Variants in GPHN observed in about 807,000 individuals in gnomAD.
GPHN encodes the protein gephyrin.
In GPHN, 17 loss-of-function variants were observed where a neutral mutation model predicts 95.5. That is an observed-to-expected ratio of 0.18 (90% CI 0.12 to 0.27). GPHN has a LOEUF of 0.27. Ranked by LOEUF, GPHN falls within the 10% of genes least tolerant of loss-of-function variation. The pLI is 1.00. For missense variants in GPHN, 660 were observed against 978.1 expected (o/e 0.67, Z 4.34); for synonymous variants, 320 against 322.5 (o/e 0.99, Z 0.08).
the GPHN span, among the ~76,000 whole-genome samples, chr14:67,288,220 T>C: frequency 1.3e-5 from 2 of 152,034 alleles, no homozygotes; most frequent in African/African-American, 4.8e-5. Flanking sequence ...GCTGGCACTT[T>C]AGACATGTGC....
intron 16 of GPHN, among the ~76,000 whole-genome samples, chr14:67,117,524 TCCTCA>T (rs1212372045): frequency 6.6e-6 from 1 of 151,986 alleles, no homozygotes; most frequent in East Asian, 1.9e-4. Context: ...GTACCTAAAG[TCCTCA>T]ACAGTAAAGG....
the GPHN span, among the ~76,000 whole-genome samples, chr14:67,559,398 C>G: frequency 1.3e-5 from 2 of 152,112 alleles, no homozygotes; most frequent in African/African-American, 4.8e-5. Flanking sequence ...TCAGCCAACC[C>G]CTTCGTGGTG....
chr14:66,571,111 C>G (rs1349223548), intron 1 of GPHN, among the ~76,000 whole-genome samples: 1 of 152,124 alleles, frequency 6.6e-6, no homozygotes, highest in Non-Finnish European at 1.5e-5. Flanking sequence ...GTTTAATTGT[C>G]TCACAGTTCC....
intron 11 of GPHN, among the ~76,000 whole-genome samples, chr14:67,067,008 G>A (rs1350459426): frequency 6.6e-6 from 1 of 152,150 alleles, no homozygotes; most frequent in Admixed American, 6.5e-5. Context: ...AGGAGAAAAG[G>A]CGCTCTGGTT....
intron 10 of GPHN, among the ~76,000 whole-genome samples, chr14:67,025,745 A>C (rs1408014675): frequency 1.3e-5 from 2 of 152,214 alleles, no homozygotes; most frequent in Non-Finnish European, 2.9e-5. Flanking sequence ...CTAATTAAGA[A>C]GATACCTGGG....
rs575182670 is a variant in GPHN at position 66,735,911 on chromosome 14, A to G, written c.144-40553A>G. Among the ~76,000 whole-genome samples, 18 of 152,300 alleles carry G rather than the reference A, an allele frequency of 1.2e-4. No homozygotes were observed. In the South Asian group the frequency reaches 3.7e-3, roughly 32 times the overall value. ...TTATTTCTTGTTTAATACTTATAGC[A>G]ATCTTAAGATATATAATGATGATCT... On this transcript the variant is annotated intron_variant, in intron 2 of 22. Coordinates refer to ENST00000478722, the MANE Select transcript of GPHN (RefSeq NM_020806.5).
At chr14:66,727,934 G>A (rs1348627276) in intron 2 of GPHN, among the ~76,000 whole-genome samples, 1 of 152,182 alleles carries the variant, frequency 6.6e-6, no homozygotes, top group African/African-American at 2.4e-5. Context: ...CTTCGAGGCA[G>A]CCCCTTTCAT....
At chr14:67,042,108 A>G (rs1594907463) in intron 10 of GPHN, among the ~76,000 whole-genome samples, 1 of 150,492 alleles carries the variant, frequency 6.6e-6, no homozygotes, top group East Asian at 1.9e-4. Context: ...TGGATTCTGG[A>G]TATTAGCCCT....
At chr14:67,695,675 A>G in the GPHN span, 2 of 1,614,204 alleles carry the variant, frequency 1.2e-6, no homozygotes, top group Non-Finnish European at 1.7e-6. Flanking sequence ...CAGAAGGAGG[A>G]GCAACAGCGG....
At chr14:67,343,691 C>T in the GPHN span, among the ~76,000 whole-genome samples, 1 of 152,278 alleles carries the variant, frequency 6.6e-6, no homozygotes, top group South Asian at 2.1e-4. Context: ...ACAATGAGAC[C>T]TTGCCTCTAC....
chr14:66,753,238 T>G, intron 2 of GPHN, among the ~76,000 whole-genome samples: 1 of 152,024 alleles, frequency 6.6e-6, no homozygotes, highest in Non-Finnish European at 1.5e-5. Context: ...CTTACTCTCT[T>G]GTACATCCAC....
intron 8 of GPHN, among the ~76,000 whole-genome samples, chr14:66,959,117 G>A (rs547102123): frequency 5.9e-5 from 9 of 151,958 alleles, no homozygotes; most frequent in Middle Eastern, 3.4e-3. Flanking sequence ...CACTACTTAC[G>A]TTATTATTTT....
chr14:66,794,920 A>G (rs932213531), intron 3 of GPHN, among the ~76,000 whole-genome samples: 13 of 152,036 alleles, frequency 8.6e-5, no homozygotes, highest in African/African-American at 2.4e-4. Flanking sequence ...GGATTTGTCT[A>G]TTTTTTCTTT....
the GPHN span, among the ~76,000 whole-genome samples, chr14:67,290,998 A>G: frequency 2.0e-3 from 310 of 152,352 alleles, no homozygotes; most frequent in African/African-American, 7.0e-3. Flanking sequence ...ATCTAGGTAA[A>G]TATTTTTTAA....
At chr14:67,475,806 C>T in the GPHN span, among the ~76,000 whole-genome samples, 1 of 152,234 alleles carries the variant, frequency 6.6e-6, no homozygotes, top group African/African-American at 2.4e-5. Context: ...TCTCCTCACC[C>T]TCCACCAGCG....
chr14:67,407,343 G>A, the GPHN span, among the ~76,000 whole-genome samples: 2 of 151,848 alleles, frequency 1.3e-5, no homozygotes, highest in Admixed American at 6.6e-5. Flanking sequence ...GGCTGGTCTC[G>A]AACTCCTGAC....
At chr14:67,465,199 G>A in the GPHN span, among the ~76,000 whole-genome samples, 1 of 152,368 alleles carries the variant, frequency 6.6e-6, no homozygotes, top group Non-Finnish European at 1.5e-5. Context: ...GGCAGAGCGA[G>A]GGGAAGCTCC....
At chr14:67,138,741 G>A (rs1033532749) in intron 17 of GPHN, among the ~76,000 whole-genome samples, 1 of 152,012 alleles carries the variant, frequency 6.6e-6, no homozygotes, top group Non-Finnish European at 1.5e-5. Context: ...TTAAGCTATG[G>A]TTAACCAAAA....
intron 2 of GPHN, among the ~76,000 whole-genome samples, chr14:66,748,967 A>C (rs969872976): frequency 6.6e-6 from 1 of 151,944 alleles, no homozygotes; most frequent in African/African-American, 2.4e-5. Flanking sequence ...TATAATCTAG[A>C]GTAGTTCCAC....
Sources: gnomAD v4.1 joint callset for allele counts (sites outside exome capture counted in the v4.1 genomes callset) on GRCh38, gnomAD v4.1.1 for gene constraint, MANE v1.5 for transcripts, NCBI Gene and HGNC (gene_info 2026-07-23, HGNC 2026-07-21) for gene names.